Variants in ERC1 observed in about 807,000 individuals in gnomAD.
The protein encoded by ERC1 is ELKS/RAB6-interacting/CAST family member 1.
A neutral mutation model predicts 132.0 loss-of-function variants in ERC1; 56 were observed. The ratio of observed to expected loss-of-function variants is 0.42; its 90% CI spans 0.34 to 0.53. The LOEUF (loss-of-function observed/expected upper bound fraction) is 0.53. ERC1 is among the 20% of genes least tolerant of loss of function. The probability of loss-of-function intolerance (pLI) is 0.03; values close to 1 mark genes in which losing one functional copy is unlikely to be tolerated. For synonymous variants in ERC1, 478 were observed against 476.1 expected (o/e 1.00, Z -0.05); for missense variants, 1,202 against 1,349.9 (o/e 0.89, Z 1.72).
At chr12:1,380,491 C>T (rs2088519882) in intron 16 of ERC1, 1 of 152,276 alleles carries the variant, frequency 6.6e-6, no homozygotes, top group African/African-American at 2.4e-5. Context: ...CGTGTACTCA[C>T]ACTCAGTCTT....
At chr12:1,197,273 G>A (rs1956423768) in intron 12 of ERC1, among the ~76,000 whole-genome samples, 1 of 152,058 alleles carries the variant, frequency 6.6e-6, no homozygotes, top group Non-Finnish European at 1.5e-5. Context: ...GAACCATTGT[G>A]CCTGGCCTAG....
In ERC1 at chr12:1,494,932, G is replaced by A; in HGVS notation, c.*4702G>A. The A allele has an allele frequency of 4.3e-6, 1 of 231,016 alleles. No homozygotes were observed. The highest frequency in any genetic ancestry group is 6.1e-5 in the East Asian group (1 of 16,292). 14.3% of individuals were successfully genotyped at this position (231,016 alleles called of 1,614,324 possible). A position where few individuals can be genotyped will look rare whatever the true frequency, so the allele number is the denominator to read the frequency against. On this transcript the variant is annotated 3_prime_UTR_variant, in exon 19 of 19. Transcript: ENST00000360905. ...TAGGTGGCCCTGGGCTGGCGGCTTA[G>A]GAAGCATGGAGCACACTTAGGGTAG...
At chr12:1,243,998 A>G (rs1012454094) in intron 13 of ERC1, among the ~76,000 whole-genome samples, 1 of 152,210 alleles carries the variant, frequency 6.6e-6, no homozygotes, top group Non-Finnish European at 1.5e-5. Flanking sequence ...CACAGTACCC[A>G]GTAATATCGC....
intron 12 of ERC1, among the ~76,000 whole-genome samples, chr12:1,225,894 A>G (rs2074539167): frequency 6.6e-6 from 1 of 152,200 alleles, no homozygotes; most frequent in African/African-American, 2.4e-5. Context: ...CATCTAGTAA[A>G]TGAATGTTAG....
At chr12:1,409,038 A>G (rs1405352541) in intron 17 of ERC1, among the ~76,000 whole-genome samples, 3 of 152,236 alleles carry the variant, frequency 2.0e-5, no homozygotes, top group African/African-American at 7.2e-5. Context: ...GCATCAAGGA[A>G]AACTTTCCTG....
Position 1,274,294 on chromosome 12 carries a change from G to T in ERC1, c.2619+11129G>T, listed in dbSNP as rs574481288. On this transcript the variant is annotated intron_variant, in intron 14 of 18. Coordinates refer to ENST00000360905, the MANE Select transcript of ERC1 (RefSeq NM_178040.4). ...GAGAATACTTTACTGAACCAAATGA[G>T]TATGGTCCTTTTCCTCATGGAGCTT... is the stretch of plus-strand genomic sequence containing the variant. Among the ~76,000 whole-genome samples, 12 of 152,130 alleles carry T rather than the reference G, an allele frequency of 7.9e-5. No homozygotes were observed. The East Asian group carries it at 2.3e-3, about 29-fold the overall frequency.
At position 1,263,135 on chromosome 12, in the gene ERC1, G is replaced by C. The variant is rs1210429911; in HGVS notation, c.2589G>C (p.Glu863Asp). The C allele has an allele frequency of 1.9e-6, 3 of 1,613,918 alleles. No homozygotes were observed. The highest frequency in any genetic ancestry group is 2.5e-6 in the Non-Finnish European group (3 of 1,179,970). Residue 863 changes from glutamate to aspartate, a missense_variant, in exon 14 of 19, where the codon GAG becomes GAC. Transcript: ENST00000360905. ...TAEREMVLAQ[E>D]ESARTNAEKQ... ...AGCGGGAAATGGTGCTAGCACAAGA[G>C]GAATCAGCCAGGACCAATGCTGAAA... is the stretch of plus-strand genomic sequence containing the variant.
At chr12:1,205,622 C>T (rs1246338840) in intron 12 of ERC1, among the ~76,000 whole-genome samples, 1 of 151,980 alleles carries the variant, frequency 6.6e-6, no homozygotes, top group Non-Finnish European at 1.5e-5. Context: ...ATAAAAATAG[C>T]AAACACAAAT....
chr12:1,249,851 G>A (rs1298608524), intron 13 of ERC1, among the ~76,000 whole-genome samples: 2 of 152,180 alleles, frequency 1.3e-5, no homozygotes, highest in Non-Finnish European at 2.9e-5. Context: ...GCACCTTCTT[G>A]TTGTGTCCTC....
intron 14 of ERC1, among the ~76,000 whole-genome samples, chr12:1,285,268 A>G (rs1159419945): frequency 6.6e-6 from 1 of 152,184 alleles, no homozygotes; most frequent in Non-Finnish European, 1.5e-5. Context: ...GTACTTGATA[A>G]TTATTGAACA....
intron 2 of ERC1, among the ~76,000 whole-genome samples, chr12:1,047,286 G>A (rs1471995333): frequency 5.3e-5 from 8 of 151,764 alleles, no homozygotes; most frequent in African/African-American, 1.5e-4. Flanking sequence ...TAAGCCCCCC[G>A]TCATTGATTT....
chr12:1,169,365 T>C (rs557512193), intron 8 of ERC1, among the ~76,000 whole-genome samples: 2 of 152,296 alleles, frequency 1.3e-5, no homozygotes, highest in East Asian at 3.9e-4. Context: ...ATCCAGTGAT[T>C]GATCCTTATG....
At chr12:1,433,050 C>A (rs969152836) in intron 17 of ERC1, among the ~76,000 whole-genome samples, 24 of 152,214 alleles carry the variant, frequency 1.6e-4, no homozygotes, top group Non-Finnish European at 3.1e-4. Flanking sequence ...AAAGGATGGA[C>A]TACTGTGTCT....
chr12:1,418,638 TCTTTCTCTC>T (rs2092273413), intron 17 of ERC1, among the ~76,000 whole-genome samples: 2 of 105,474 alleles, frequency 1.9e-5, no homozygotes, highest in African/African-American at 1.1e-4. Flanking sequence ...TTTCTTTCTT[TCTTTCTCTC>T]TCTCTCTCTC....
intron 2 of ERC1, among the ~76,000 whole-genome samples, chr12:1,075,816 C>T (rs1012101495): frequency 5.9e-5 from 9 of 152,224 alleles, no homozygotes; most frequent in Middle Eastern, 3.4e-3. Flanking sequence ...GATCTTCATC[C>T]TCATCATTTT....
intron 15 of ERC1, among the ~76,000 whole-genome samples, chr12:1,305,220 T>C (rs1169079701): frequency 1.3e-5 from 2 of 152,216 alleles, no homozygotes; most frequent in Admixed American, 6.5e-5. Context: ...ACTCACTCTT[T>C]CTGGACCAGT....
At chr12:1,360,588 G>C (rs1484279148) in intron 15 of ERC1, among the ~76,000 whole-genome samples, 2 of 152,080 alleles carry the variant, frequency 1.3e-5, no homozygotes, top group African/African-American at 4.8e-5. Context: ...TAATAAAAAG[G>C]GTATTTGTCA....
chr12:1,123,436 G>A (rs999425393), intron 7 of ERC1, among the ~76,000 whole-genome samples: 1 of 152,050 alleles, frequency 6.6e-6, no homozygotes, highest in South Asian at 2.1e-4. Context: ...ATAAATCTCA[G>A]TTGGGCTAAA....
chr12:1,153,667 C>T (rs539567205), intron 8 of ERC1, among the ~76,000 whole-genome samples: 119 of 152,322 alleles, frequency 7.8e-4, no homozygotes, highest in Non-Finnish European at 1.0e-3. Flanking sequence ...TGCATGAACT[C>T]GGAGAAGGGA....
Sources: allele counts gnomAD v4.1 joint callset (sites outside exome capture counted in the v4.1 genomes callset), GRCh38; gene constraint gnomAD v4.1.1; transcripts MANE v1.5; gene names NCBI Gene and HGNC (gene_info 2026-07-23, HGNC 2026-07-21).